Variants in DACH2 observed in about 807,000 individuals in gnomAD.
DACH2 encodes dachshund homolog 2.
A neutral mutation model predicts 35.8 loss-of-function variants in DACH2; 17 were observed. That is an observed-to-expected ratio of 0.48 (90% confidence interval 0.33 to 0.71). DACH2 has a LOEUF of 0.71. Ranked by LOEUF, DACH2 falls within the 30% of genes least tolerant of loss-of-function variation. The pLI is 0.02. For synonymous variants in DACH2, 195 were observed against 177.3 expected, an observed-to-expected ratio of 1.10 and a Z score of -0.79; for missense variants, 469 against 472.7, an observed-to-expected ratio of 0.99 and a Z score of 0.07.
chrX:86,681,048 GTGTC>G (rs769296804), intron 4 of DACH2, among the ~76,000 whole-genome samples: 169 of 110,627 alleles, frequency 1.5e-3, no homozygotes, highest in African/African-American at 5.1e-3. Context: ...ATCTATCTGT[GTGTC>G]TGTCTATCTA....
intron 6 of DACH2, among the ~76,000 whole-genome samples, chrX:86,730,079 T>A (rs2041515681): frequency 9.0e-6 from 1 of 111,275 alleles, no homozygotes; most frequent in South Asian, 3.8e-4. Context: ...TCTAAACACA[T>A]GCCACTCTTC....
chrX:86,769,203 A>G (rs187515433), intron 7 of DACH2, among the ~76,000 whole-genome samples: 1 of 111,961 alleles, frequency 8.9e-6, no homozygotes, highest in African/African-American at 3.2e-5. Flanking sequence ...TCACCAACAA[A>G]ATAGATATCT....
chrX:86,693,070 A>G (rs2041028012), intron 4 of DACH2, among the ~76,000 whole-genome samples: 2 of 112,672 alleles, frequency 1.8e-5, no homozygotes, highest in Non-Finnish European at 3.7e-5. Context: ...GCTCTTAAGC[A>G]CATGCTGTAC....
At chrX:86,693,613 G>A (rs1400323022) in intron 4 of DACH2, among the ~76,000 whole-genome samples, 1 of 112,187 alleles carries the variant, frequency 8.9e-6, no homozygotes, top group Non-Finnish European at 1.9e-5. Flanking sequence ...AAATCTTGAG[G>A]AGGAATGCCA....
At chrX:86,698,519 G>GTT (rs1378300889) in intron 5 of DACH2, among the ~76,000 whole-genome samples, 14 of 32,082 alleles carry the variant, frequency 4.4e-4, no homozygotes, top group Non-Finnish European at 6.5e-4. Flanking sequence ...TGTTAGTTTT[G>GTT]TGTTTTTTTT....
At position 86,292,857 on chromosome X, in the gene DACH2, A is replaced by G. The variant is rs377116557; in HGVS notation, c.489-83967A>G. Among the ~76,000 whole-genome samples the G allele has an allele frequency of 2.9e-3, 315 of 108,164 alleles. 1 individual carries two copies. The highest frequency in any genetic ancestry group is 0.01 in the African/African-American group (307 of 29,549). The allele number at this position is 108,164 out of a possible 115,157, so 93.9% of individuals were successfully genotyped here. A position where few individuals can be genotyped will look rare whatever the true frequency, so the allele number is the denominator to read the frequency against. On this transcript the variant is annotated intron_variant, in intron 1 of 11. Coordinates refer to ENST00000373125, the MANE Select transcript of DACH2 (RefSeq NM_053281.3). The stretch of plus-strand genomic sequence containing the variant: ...AGCTTTACTTCCAAGTATGTGGTCA[A>G]TTTTGGAATAGGTGTGGTGTGGTGC...
chrX:86,527,118 A>C (rs2038645007), intron 3 of DACH2, among the ~76,000 whole-genome samples: 1 of 111,547 alleles, frequency 9.0e-6, no homozygotes, highest in African/African-American at 3.3e-5. Flanking sequence ...GTGAAAATTT[A>C]ATAATCAGTT....
At chrX:86,541,613 T>C (rs1278632304) in intron 3 of DACH2, among the ~76,000 whole-genome samples, 1 of 111,715 alleles carries the variant, frequency 9.0e-6, no homozygotes, top group East Asian at 2.8e-4. Flanking sequence ...GTGTAAGAAT[T>C]ATATAAAAAA....
intron 5 of DACH2, among the ~76,000 whole-genome samples, chrX:86,705,817 A>G (rs1417803495): frequency 1.8e-5 from 2 of 111,839 alleles, no homozygotes; most frequent in Non-Finnish European, 3.8e-5. Context: ...CACAATTCAC[A>G]ATTGCAAACA....
intron 1 of DACH2, among the ~76,000 whole-genome samples, chrX:86,307,543 AC>A (rs2034714677): frequency 9.0e-6 from 1 of 111,397 alleles, no homozygotes; most frequent in African/African-American, 3.3e-5. Context: ...CCCCTCCCTG[AC>A]CCATGCTGCC....
intron 3 of DACH2, among the ~76,000 whole-genome samples, chrX:86,526,793 A>G: frequency 9.1e-6 from 1 of 109,899 alleles, no homozygotes; most frequent in South Asian, 3.9e-4. Context: ...AATGAAAATT[A>G]GAATTCCCAG....
chrX:86,402,123 A>G (rs2036445571), intron 2 of DACH2, among the ~76,000 whole-genome samples: 1 of 111,889 alleles, frequency 8.9e-6, no homozygotes, highest in Non-Finnish European at 1.9e-5. Context: ...GAGAACCAGA[A>G]AAAGACAAAG....
At chrX:86,766,343 C>T (rs1222904419) in intron 7 of DACH2, among the ~76,000 whole-genome samples, 1 of 111,709 alleles carries the variant, frequency 9.0e-6, no homozygotes, top group Non-Finnish European at 1.9e-5. Flanking sequence ...ACTGGCTCTC[C>T]CAACCCAAAT....
At chrX:86,467,725 T>G (rs1602553019) in intron 2 of DACH2, among the ~76,000 whole-genome samples, 2 of 111,700 alleles carry the variant, frequency 1.8e-5, no homozygotes, top group Admixed American at 1.9e-4. Context: ...GAAAGCGGTT[T>G]AATTGACTCA....
At chrX:86,544,824 C>T (rs1266773174) in intron 3 of DACH2, among the ~76,000 whole-genome samples, 2 of 112,016 alleles carry the variant, frequency 1.8e-5, no homozygotes, top group Non-Finnish European at 1.9e-5. Flanking sequence ...GGCTAAATGC[C>T]CCAACTCAAA....
At chrX:86,397,241 G>A (rs1430313058) in intron 2 of DACH2, among the ~76,000 whole-genome samples, 1 of 111,642 alleles carries the variant, frequency 9.0e-6, no homozygotes, top group Non-Finnish European at 1.9e-5. Flanking sequence ...CATTGATTTT[G>A]CATCCTGAGA....
At chrX:86,743,833 A>G (rs1331584462) in intron 7 of DACH2, among the ~76,000 whole-genome samples, 2 of 111,217 alleles carry the variant, frequency 1.8e-5, no homozygotes, top group Admixed American at 1.9e-4. Context: ...AAACTACCCA[A>G]ACTCTTGCAC....
chrX:86,815,242 G>A (rs2042435619), intron 10 of DACH2, among the ~76,000 whole-genome samples: 1 of 111,407 alleles, frequency 9.0e-6, no homozygotes, highest in Non-Finnish European at 1.9e-5. Context: ...CATCAGTGTT[G>A]CCATGCCTAA....
Position 86,526,873 on chromosome X carries a change from A to G in DACH2, c.640+12482A>G, listed in dbSNP as rs1445745131. 6.4e-5 allele frequency among the ~76,000 whole-genome samples: 7 copies of G among 110,028 alleles called. No homozygotes were observed. In the Admixed American group the frequency reaches 6.9e-4, roughly 11 times the overall value. On this transcript the variant is annotated intron_variant, in intron 3 of 11. Transcript: ENST00000373125. ...TTATTTTTTTTTCTGAATTCTCAGC[A>G]GTAATGACATTTCCTTTCTCAGTAG...
Sources: allele counts gnomAD v4.1 joint callset (sites outside exome capture counted in the v4.1 genomes callset), GRCh38; gene constraint gnomAD v4.1.1; transcripts MANE v1.5; gene names NCBI Gene and HGNC (gene_info 2026-07-23, HGNC 2026-07-21).